Variants in AMBRA1 observed in about 807,000 individuals in gnomAD.
AMBRA1 encodes autophagy and beclin 1 regulator 1, also known as activating molecule in BECN1-regulated autophagy protein 1.
Under a neutral mutation model 125.4 loss-of-function variants are expected in AMBRA1, and 47 were observed. The ratio of observed to expected loss-of-function variants is 0.37; its 90% CI spans 0.30 to 0.48. AMBRA1 has a LOEUF of 0.48. Among genes scored for constraint, AMBRA1 ranks in the 20% least tolerant of loss-of-function variants. AMBRA1 has a pLI of 0.99. For missense variants in AMBRA1, 1,331 were observed against 1,693.4 expected (o/e 0.79, Z 3.76); for synonymous variants, 626 against 655.5 (o/e 0.95, Z 0.69).
chr11:46,547,884 CAAAAAAA>C lies in AMBRA1; in HGVS notation c.136-16_136-10del. The C allele has an allele frequency of 7.0e-7, 1 of 1,422,184 alleles. No homozygotes were observed. Among genetic ancestry groups the C allele is most frequent in the Non-Finnish European group, 9.4e-7 (1 of 1,069,262 alleles). 88.1% of individuals were successfully genotyped at this position (1,422,184 alleles called of 1,614,324 possible). A position where few individuals can be genotyped will look rare whatever the true frequency, so the allele number is the denominator to read the frequency against. On this transcript the variant is annotated splice_polypyrimidine_tract_variant and intron_variant, in intron 2 of 17. Transcript: ENST00000683756. ...TCCGGCAGTTCTACTCTCTGGGAGA[CAAAAAAA>C]AAAAAAAAGTTAAAATACATGATTT...
intron 12 of AMBRA1, among the ~76,000 whole-genome samples, chr11:46,443,000 G>A (rs1027812462): frequency 3.9e-5 from 6 of 152,212 alleles, no homozygotes; most frequent in African/African-American, 1.4e-4. Flanking sequence ...GGGATTACAG[G>A]CGTGAGCCAC....
At chr11:46,438,453 T>C (rs1189706897) in intron 12 of AMBRA1, among the ~76,000 whole-genome samples, 4 of 152,248 alleles carry the variant, frequency 2.6e-5, no homozygotes, top group African/African-American at 9.6e-5. Context: ...CAAAGATCGA[T>C]TTGTAGCCTG....
At chr11:46,519,781 T>C (rs142223140) in intron 7 of AMBRA1, among the ~76,000 whole-genome samples, 1 of 152,344 alleles carries the variant, frequency 6.6e-6, no homozygotes, top group Non-Finnish European at 1.5e-5. Context: ...TCATTCCTTT[T>C]GGATATACTA....
chr11:46,408,580 C>T lies in AMBRA1; in HGVS notation c.3336G>A (p.Gln1112=). The change falls in exon 17 of 18, where the codon CAG becomes CAA. Residue 1112 remains glutamine, a synonymous_variant. Coordinates refer to ENST00000683756, the MANE Select transcript of AMBRA1 (RefSeq NM_001387011.1). ...QGTQTLALQL[Q]NAETQTEREV... ...CCCTCTCAGTCTGTGTTTCGGCATTCTGCAGCTGAAGGGCCAGAGTCTGGG... is the reference window on the plus strand; with the variant it reads ...CCCTCTCAGTCTGTGTTTCGGCATTTTGCAGCTGAAGGGCCAGAGTCTGGG... 1 of 1,608,328 alleles carries T rather than the reference C, an allele frequency of 6.2e-7. No homozygotes were observed. The highest frequency in any genetic ancestry group is 1.1e-5 in the South Asian group (1 of 90,570).
At chr11:46,434,174 C>T (rs1468465398) in intron 13 of AMBRA1, among the ~76,000 whole-genome samples, 2 of 146,626 alleles carry the variant, frequency 1.4e-5, no homozygotes, top group Admixed American at 1.4e-4. Flanking sequence ...CCGTTGTTAT[C>T]AACATTTTAA....
At chr11:46,568,036 T>C (rs1027558433) in intron 1 of AMBRA1, among the ~76,000 whole-genome samples, 4 of 151,610 alleles carry the variant, frequency 2.6e-5, no homozygotes, top group Non-Finnish European at 4.4e-5. Flanking sequence ...TAATTCCAGA[T>C]ACTTGGCAGG....
chr11:46,541,886 A>G (rs1952761332), intron 7 of AMBRA1, 59 bp downstream of exon 7: 31 of 1,585,608 alleles, frequency 2.0e-5, no homozygotes, highest in Non-Finnish European at 2.3e-5. Context: ...TATAGGACTC[A>G]AGGAAATGAT....
intron 11 of AMBRA1, among the ~76,000 whole-genome samples, chr11:46,448,529 G>A (rs1297856315): frequency 6.6e-6 from 1 of 152,126 alleles, no homozygotes; most frequent in African/African-American, 2.4e-5. Context: ...TCTAAAATCT[G>A]TAATTTAAGC....
intron 11 of AMBRA1, among the ~76,000 whole-genome samples, chr11:46,456,597 T>C (rs1306252952): frequency 6.6e-6 from 1 of 152,174 alleles, no homozygotes; most frequent in African/African-American, 2.4e-5. Context: ...ACTAAATGGC[T>C]CTCACCAATC....
intron 17 of AMBRA1, among the ~76,000 whole-genome samples, chr11:46,401,434 T>C (rs2136585118): frequency 6.6e-6 from 1 of 152,262 alleles, no homozygotes; most frequent in South Asian, 2.1e-4. Flanking sequence ...AGAGACAGTG[T>C]TTCATCATGC....
rs746517188 is a variant in AMBRA1, at chr11:46,547,899, A to C, written c.136-24T>G. 2.6e-6 allele frequency: 4 copies of C among 1,523,848 alleles called. No homozygotes were observed. In the Admixed American group the frequency reaches 7.0e-5, roughly 27 times the overall value. The allele number at this position is 1,523,848 out of a possible 1,614,324, so 94.4% of individuals were successfully genotyped here. On this transcript the variant is annotated intron_variant, in intron 2 of 17. Transcript: ENST00000683756. ...CTCTGGGAGACAAAAAAAAAAAAAA[A>C]GTTAAAATACATGATTTGTAGACCA...
At chr11:46,507,706 A>G (rs1171908097) in intron 9 of AMBRA1, among the ~76,000 whole-genome samples, 1 of 152,154 alleles carries the variant, frequency 6.6e-6, no homozygotes, top group African/African-American at 2.4e-5. Context: ...ATGGAGTAGG[A>G]TCTTAAAGAG....
chr11:46,480,070 C>T lies in AMBRA1; in HGVS notation c.2521+13538G>A, dbSNP rs530634808. On this transcript the variant is annotated intron_variant, in intron 11 of 17. Transcript: ENST00000683756. ...CTGCTAGCTGTTAGCAGAGGCCATT[C>T]CCATCTTTGATCATTGCAGCACCTT... Among the ~76,000 whole-genome samples, 5 of 152,248 alleles carry T rather than the reference C, an allele frequency of 3.3e-5. No individual in the cohort carries two copies. In the South Asian group the frequency reaches 8.3e-4, roughly 25 times the overall value.
chr11:46,526,547 T>TAA (rs79918375), intron 7 of AMBRA1, among the ~76,000 whole-genome samples: 1 of 110,998 alleles, frequency 9.0e-6, no homozygotes, highest in Non-Finnish European at 2.0e-5. Flanking sequence ...AAATTAAAAT[T>TAA]AAAAAAAAAA....
chr11:46,488,477 CAAAA>C (rs1950341286), intron 11 of AMBRA1, among the ~76,000 whole-genome samples: 2 of 151,012 alleles, frequency 1.3e-5, no homozygotes, highest in African/African-American at 4.9e-5. Flanking sequence ...AAAAAACTGA[CAAAA>C]TTGAAGGGAA....
intron 11 of AMBRA1, among the ~76,000 whole-genome samples, chr11:46,457,538 A>G (rs1948901308): frequency 6.6e-6 from 1 of 152,212 alleles, no homozygotes; most frequent in Non-Finnish European, 1.5e-5. Flanking sequence ...CTGTAATGGA[A>G]CTGAGGCTTT....
chr11:46,583,864 C>A (rs2044271858), intron 1 of AMBRA1, among the ~76,000 whole-genome samples: 1 of 145,478 alleles, frequency 6.9e-6, no homozygotes, highest in South Asian at 2.2e-4. Context: ...ATTAAAAAGT[C>A]AGGAAACAAC....
chr11:46,584,603 A>C (rs939471475), intron 1 of AMBRA1, among the ~76,000 whole-genome samples: 1 of 151,854 alleles, frequency 6.6e-6, no homozygotes, highest in African/African-American at 2.4e-5. Context: ...CACTAGAAAG[A>C]ATTTTTTTTT....
chr11:46,450,332 TG>T (rs1270582506), intron 11 of AMBRA1, among the ~76,000 whole-genome samples: 1 of 152,168 alleles, frequency 6.6e-6, no homozygotes, highest in Non-Finnish European at 1.5e-5. Flanking sequence ...GGATTCCAAC[TG>T]TATGAGATTC....
Sources: gnomAD v4.1 joint callset for allele counts (sites outside exome capture counted in the v4.1 genomes callset) on GRCh38, gnomAD v4.1.1 for gene constraint, MANE v1.5 for transcripts, NCBI Gene and HGNC (gene_info 2026-07-23, HGNC 2026-07-21) for gene names.